Variants in NSMCE2 observed in about 807,000 individuals in gnomAD.
NSMCE2 encodes the protein E3 SUMO-protein ligase NSE2.
NSMCE2 carries 24 observed loss-of-function variants against 23.8 expected under a neutral mutation model. The ratio of observed to expected loss-of-function variants is 1.01; its 90% CI spans 0.73 to 1.42. The LOEUF is 1.42. Among genes scored for constraint, NSMCE2 ranks in the 40% most tolerant of loss-of-function variants. The probability of loss-of-function intolerance (pLI) is 0.00; values close to 1 mark genes in which losing one functional copy is unlikely to be tolerated. For missense variants in NSMCE2, 284 were observed against 296.5 expected (o/e 0.96, Z 0.31); for synonymous variants, 92 against 94.1 (o/e 0.98, Z 0.13).
chr8:125,188,977 C>G (rs1271664912), intron 5 of NSMCE2, among the ~76,000 whole-genome samples: 1 of 152,138 alleles, frequency 6.6e-6, no homozygotes, highest in Non-Finnish European at 1.5e-5. Context: ...CAAGGTAGTG[C>G]CAATAGGGAA....
intron 5 of NSMCE2, among the ~76,000 whole-genome samples, chr8:125,274,990 T>A (rs1172854421): frequency 9.9e-6 from 1 of 100,958 alleles, no homozygotes; most frequent in African/African-American, 3.5e-5. Flanking sequence ...TTCAGGACAA[T>A]CTGAAGATGA....
chr8:125,168,702 C>T (rs752579911), intron 4 of NSMCE2, among the ~76,000 whole-genome samples: 6 of 152,234 alleles, frequency 3.9e-5, no homozygotes, highest in Non-Finnish European at 5.9e-5. Flanking sequence ...GCCTCACCTC[C>T]TAATACCATC....
intron 5 of NSMCE2, among the ~76,000 whole-genome samples, chr8:125,227,025 C>G (rs1469502566): frequency 1.3e-5 from 2 of 152,118 alleles, no homozygotes; most frequent in Non-Finnish European, 2.9e-5. Flanking sequence ...CAGTGAGTGC[C>G]ACATTCACAG....
At chr8:125,269,068 A>T (rs146888311) in intron 5 of NSMCE2, among the ~76,000 whole-genome samples, 1,837 of 152,124 alleles carry the variant, frequency 0.012, 9 homozygotes, top group Non-Finnish European at 0.018. Flanking sequence ...ATTAAGATAT[A>T]TTTGACTCTT....
intron 3 of NSMCE2, among the ~76,000 whole-genome samples, chr8:125,143,820 C>T (rs1820512592): frequency 6.6e-6 from 1 of 152,138 alleles, no homozygotes; most frequent in Non-Finnish European, 1.5e-5. Flanking sequence ...CTCCCTAACA[C>T]ACACATACAC....
intron 5 of NSMCE2, among the ~76,000 whole-genome samples, chr8:125,218,370 C>T (rs1824694300): frequency 6.6e-6 from 1 of 151,568 alleles, no homozygotes; most frequent in African/African-American, 2.4e-5. Context: ...ATAAAAACTC[C>T]ACATGCATTT....
At chr8:125,339,780 C>T (rs1454807766) in intron 5 of NSMCE2, among the ~76,000 whole-genome samples, 1 of 152,062 alleles carries the variant, frequency 6.6e-6, no homozygotes, top group African/African-American at 2.4e-5. Context: ...GCCCCCTGAG[C>T]TTGCCTCTCT....
chr8:125,122,174 A>ATT (rs1563663119), intron 3 of NSMCE2, among the ~76,000 whole-genome samples: 1 of 109,376 alleles, frequency 9.1e-6, no homozygotes, highest in African/African-American at 4.1e-5. Flanking sequence ...GGCTGAGCCA[A>ATT]AAAAAAAAAA....
At chr8:125,249,724 G>C (rs979842890) in intron 5 of NSMCE2, among the ~76,000 whole-genome samples, 6 of 152,284 alleles carry the variant, frequency 3.9e-5, no homozygotes, top group African/African-American at 1.2e-4. Flanking sequence ...AGAATACTCA[G>C]TGCTTATGTG....
intron 4 of NSMCE2, among the ~76,000 whole-genome samples, chr8:125,157,294 A>T (rs1821375800): frequency 6.6e-6 from 1 of 152,142 alleles, no homozygotes; most frequent in African/African-American, 2.4e-5. Context: ...TAGGAGACTC[A>T]CCTCTTCTCT....
intron 4 of NSMCE2, among the ~76,000 whole-genome samples, chr8:125,153,103 A>C (rs182259343): frequency 1.3e-5 from 2 of 150,144 alleles, no homozygotes; most frequent in African/African-American, 4.9e-5. Context: ...TTCCCCCTTC[A>C]GGACATTGAG....
chr8:125,231,739 A>G (rs1392170140), intron 5 of NSMCE2, among the ~76,000 whole-genome samples: 1 of 152,160 alleles, frequency 6.6e-6, no homozygotes, highest in Non-Finnish European at 1.5e-5. Context: ...TTCTTGCTGC[A>G]GGTCATAGTA....
chr8:125,218,824 T>C (rs1319872657), intron 5 of NSMCE2, among the ~76,000 whole-genome samples: 1 of 152,206 alleles, frequency 6.6e-6, no homozygotes, highest in African/African-American at 2.4e-5. Context: ...TAATGAACCA[T>C]ACATTTAAAA....
intron 5 of NSMCE2, among the ~76,000 whole-genome samples, chr8:125,252,647 TTAG>T (rs1826246561): frequency 6.6e-6 from 1 of 152,252 alleles, no homozygotes; most frequent in Non-Finnish European, 1.5e-5. Context: ...AGTACACAAA[TTAG>T]TAGTACATAA....
At chr8:125,337,557 G>A (rs1830097475) in intron 5 of NSMCE2, among the ~76,000 whole-genome samples, 2 of 152,184 alleles carry the variant, frequency 1.3e-5, no homozygotes, top group Non-Finnish European at 2.9e-5. Context: ...AAGGTAGAAT[G>A]TTATGCAAGT....
intron 5 of NSMCE2, among the ~76,000 whole-genome samples, chr8:125,286,138 C>G (rs1432565784): frequency 1.3e-5 from 2 of 151,888 alleles, no homozygotes; most frequent in Admixed American, 6.6e-5. Flanking sequence ...ACAAGACTAC[C>G]AGAAAATCAA....
chr8:125,158,078 C>T (rs758532766), intron 4 of NSMCE2, among the ~76,000 whole-genome samples: 3 of 152,148 alleles, frequency 2.0e-5, no homozygotes, highest in South Asian at 4.1e-4. Flanking sequence ...TGATATTCTT[C>T]AGAACCCACT....
intron 3 of NSMCE2, among the ~76,000 whole-genome samples, chr8:125,115,060 C>T (rs1163783872): frequency 1.3e-5 from 2 of 152,202 alleles, no homozygotes; most frequent in Non-Finnish European, 2.9e-5. Context: ...CATCCTCATG[C>T]TCCAACTCTC....
intron 3 of NSMCE2, among the ~76,000 whole-genome samples, chr8:125,140,246 A>G (rs182779394): frequency 6.6e-6 from 1 of 152,366 alleles, no homozygotes; most frequent in African/African-American, 2.4e-5. Context: ...GAAGAAGAAG[A>G]TTTGTATTGG....
Sources: allele counts gnomAD v4.1 joint callset (sites outside exome capture counted in the v4.1 genomes callset), GRCh38; gene constraint gnomAD v4.1.1; transcripts MANE v1.5; gene names NCBI Gene and HGNC (gene_info 2026-07-23, HGNC 2026-07-21).